ARHGAP23: variants seen among roughly 807,000 people sequenced by gnomAD.
ARHGAP23 encodes rho GTPase-activating protein 23.
ARHGAP23 carries 34 observed loss-of-function variants against 136.3 expected under a neutral mutation model. That is an observed-to-expected ratio of 0.25 (90% CI 0.19 to 0.33). The LOEUF (loss-of-function observed/expected upper bound fraction) is 0.33. Among genes scored for constraint, ARHGAP23 ranks in the 10% least tolerant of loss-of-function variants. The pLI, the probability that ARHGAP23 is intolerant of heterozygous loss-of-function variation, is 1.00. For missense variants in ARHGAP23, 1,808 were observed against 2,139.0 expected (o/e 0.85, Z 3.05); for synonymous variants, 832 against 920.5 (o/e 0.90, Z 1.74).
intron 2 of ARHGAP23, among the ~76,000 whole-genome samples, chr17:38,458,580 C>T (rs978823743): frequency 6.6e-6 from 1 of 152,204 alleles, no homozygotes. Flanking sequence ...GCTCACCTCA[C>T]ACCCCCAGAC....
At chr17:38,433,380 A>G (rs2038725902) in intron 1 of ARHGAP23, among the ~76,000 whole-genome samples, 1 of 152,206 alleles carries the variant, frequency 6.6e-6, no homozygotes. Context: ...ATTAAAAAAA[A>G]TCAATGGATA....
rs551015412 is a variant in ARHGAP23 at position 38,429,770 on chromosome 17, G to A, written c.63+1222G>A. 2.0e-5 allele frequency among the ~76,000 whole-genome samples: 3 copies of A among 152,224 alleles called. No homozygotes were observed. In the East Asian group the frequency reaches 5.8e-4, roughly 29 times the overall value. ...GTCCCTTGGATTCAATCCCCCACCA[G>A]CAACACATACTTCATCTCTATCCCC... is the stretch of plus-strand genomic sequence containing the variant. On this transcript the variant is annotated intron_variant, in intron 1 of 23. Coordinates refer to ENST00000622683, the MANE Select transcript of ARHGAP23 (RefSeq NM_001199417.2).
At chr17:38,506,009 A>C (rs1485306596) in intron 23 of ARHGAP23, among the ~76,000 whole-genome samples, 2 of 152,156 alleles carry the variant, frequency 1.3e-5, no homozygotes, top group African/African-American at 4.8e-5. Flanking sequence ...AAGTTCAAGG[A>C]GTTTATGGAC....
At chr17:38,456,916 CTT>C (rs375995739) in intron 1 of ARHGAP23, among the ~76,000 whole-genome samples, 3 of 146,670 alleles carry the variant, frequency 2.0e-5, no homozygotes, top group Non-Finnish European at 1.5e-5. Context: ...AACCTCCAGC[CTT>C]TTTTTTTTTT....
Position 38,511,222 on chromosome 17 carries a change from G to A in ARHGAP23, c.*250G>A, listed in dbSNP as rs1241057391. On this transcript the variant is annotated 3_prime_UTR_variant, in exon 24 of 24. Coordinates refer to ENST00000622683, the MANE Select transcript of ARHGAP23 (RefSeq NM_001199417.2). ...AAGAGGAGGGGGCGTGGGCTGCTGG[G>A]GTCTGTGTCCCTGCACACATGCGCC... 2 of 464,248 alleles carry A rather than the reference G, an allele frequency of 4.3e-6. No individual in the cohort carries two copies. Among genetic ancestry groups the A allele is most frequent in the Non-Finnish European group, 7.4e-6 (2 of 269,528 alleles). 28.8% of individuals were successfully genotyped at this position (464,248 alleles called of 1,614,324 possible).
In ARHGAP23 at chr17:38,510,153, C is replaced by T. The variant is rs950146365; in HGVS notation, c.3657C>T (p.Gly1219=). 4.7e-6 allele frequency: 6 copies of T among 1,282,960 alleles called. No individual in the cohort carries two copies. The African/African-American group carries it at 9.3e-5, about 20-fold the overall frequency. The allele number at this position is 1,282,960 out of a possible 1,614,324, so 79.5% of individuals were successfully genotyped here. The change falls in exon 24 of 24, where the codon GGC becomes GGT. Residue 1219 remains glycine, a synonymous_variant. Coordinates refer to ENST00000622683, the MANE Select transcript of ARHGAP23 (RefSeq NM_001199417.2). The surrounding 1 kb of genome is among the most constrained non-coding windows in gnomAD (Gnocchi z 4.6). Reference sequence around the variant, plus strand: ...AGCGGCCGCAGGGGCCGCTGCCTGGCGCCGTCGCCCCCGAGGCCCCCGGAC... The same window carrying T: ...AGCGGCCGCAGGGGCCGCTGCCTGGTGCCGTCGCCCCCGAGGCCCCCGGAC... ...TQERPQGPLP[G]AVAPEAPGRL... is the part of the protein sequence containing the mutation.
rs2039603857 is a variant in ARHGAP23, at chr17:38,466,605, A to G, written c.922A>G (p.Met308Val). Residue 308 changes from methionine to valine, a missense_variant, in exon 7 of 24, where the codon ATG (methionine) becomes GTG (valine). Physicochemically the swap from Met to Val is conservative, Grantham distance 21. This residue lies in a region of ARHGAP23 where 859 missense variants were observed against 936.4 expected (regional missense o/e 0.92). Transcript: ENST00000622683. ...RRAGERRCPA[M>V]APRARSASQD... ...GGCGGGGGAGAGACGGTGCCCAGCC[A>G]TGGCCCCCCGGGCCCGCAGCGCCTC... 6.6e-7 allele frequency: 1 copy of G among 1,512,936 alleles called. No homozygotes were observed. Among genetic ancestry groups the G allele is most frequent in the Non-Finnish European group, 8.8e-7 (1 of 1,135,816 alleles). 93.7% of individuals were successfully genotyped at this position (1,512,936 alleles called of 1,614,324 possible).
chr17:38,506,979 G>C (rs1323857189), intron 23 of ARHGAP23, among the ~76,000 whole-genome samples: 1 of 151,982 alleles, frequency 6.6e-6, no homozygotes, highest in African/African-American at 2.4e-5. Context: ...CTGGACAAAA[G>C]AAAAAAAGGC....
rs971991014 is a variant in ARHGAP23 at position 38,458,224 on chromosome 17, C to T, written c.186C>T (p.Ile62=). The T allele has an allele frequency of 1.8e-5, 27 of 1,535,154 alleles. No homozygotes were observed. The highest frequency in any genetic ancestry group is 1.4e-4 in the Admixed American group (7 of 50,902). Residue 62 remains isoleucine, a synonymous_variant, in exon 2 of 24, where the codon ATC becomes ATT. Coordinates refer to ENST00000622683, the MANE Select transcript of ARHGAP23 (RefSeq NM_001199417.2). ...DGFGFTLRHF[I]VYPPESAVHC... Reference sequence around the variant, plus strand: ...TTGGCTTCACTCTGCGCCACTTCATCGTGTACCCACCCGAGTCGGCCGTGC... The same window carrying T: ...TTGGCTTCACTCTGCGCCACTTCATTGTGTACCCACCCGAGTCGGCCGTGC...
At chr17:38,454,513 G>A (rs999431172) in intron 1 of ARHGAP23, among the ~76,000 whole-genome samples, 2 of 152,180 alleles carry the variant, frequency 1.3e-5, no homozygotes, top group Non-Finnish European at 1.5e-5. Context: ...GGCAGGCAGA[G>A]GCACCACTGA....
In ARHGAP23 at chr17:38,477,744, C is replaced by T. The variant is rs2039931645; in HGVS notation, c.2284C>T (p.Leu762Phe). The T allele has an allele frequency of 6.5e-7, 1 of 1,548,760 alleles. No individual in the cohort carries two copies. The highest frequency in any genetic ancestry group is 8.7e-7 in the Non-Finnish European group (1 of 1,145,962). ...GGCGCCCGTCTGCATCGGCTCCTGCCTCGTGGACATCTCCTACAGCGAGAC... is the reference window on the plus strand; with the variant it reads ...GGCGCCCGTCTGCATCGGCTCCTGCTTCGTGGACATCTCCTACAGCGAGAC... ...EAAPVCIGSC[L>F]VDISYSETKR... The change falls in exon 12 of 24, where the codon CTC becomes TTC. Residue 762 changes from leucine (L) to phenylalanine (F), a missense_variant. Leu to Phe is a conservative substitution (Grantham distance 22). Around this residue, in one of 7 missense-constraint regions of ARHGAP23, gnomAD observed 139 missense variants for 264.3 expected, o/e 0.53. Coordinates refer to ENST00000622683, the MANE Select transcript of ARHGAP23 (RefSeq NM_001199417.2). The surrounding 1 kb of genome is among the most constrained non-coding windows in gnomAD (Gnocchi z 6.6).
intron 16 of ARHGAP23, among the ~76,000 whole-genome samples, chr17:38,485,839 G>T (rs138918362): frequency 1.3e-5 from 2 of 152,246 alleles, no homozygotes; most frequent in African/African-American, 4.8e-5. Flanking sequence ...TGGAGCCCAC[G>T]CACTGGCAGG....
chr17:38,502,603 A>C (rs1249628287), intron 23 of ARHGAP23, among the ~76,000 whole-genome samples: 1 of 152,250 alleles, frequency 6.6e-6, no homozygotes, highest in African/African-American at 2.4e-5. Context: ...TTGGAGGCAC[A>C]GTGGAGGCAG....
intron 1 of ARHGAP23, among the ~76,000 whole-genome samples, chr17:38,449,449 A>C (rs886680579): frequency 6.6e-6 from 1 of 152,196 alleles, no homozygotes; most frequent in African/African-American, 2.4e-5. Flanking sequence ...CGGCTCATCA[A>C]CTTGGCCTGC....
Position 38,469,308 on chromosome 17 carries a change from TC to T in ARHGAP23, c.1804+13del, listed in dbSNP as rs2144661575. 6.5e-7 allele frequency: 1 copy of T among 1,546,908 alleles called. No homozygotes were observed. Among genetic ancestry groups the T allele is most frequent in the African/African-American group, 1.4e-5 (1 of 73,068 alleles). On this transcript the variant is annotated intron_variant, in intron 8 of 23. Coordinates refer to ENST00000622683, the MANE Select transcript of ARHGAP23 (RefSeq NM_001199417.2). ...TTACTCGCAGGACTGCAGTGAGCAC[TC>T]CCCACACCCCCAGCCCCACCCTCTC...
At chr17:38,428,037 T>C (rs2038595431), upstream of ARHGAP23, among the ~76,000 whole-genome samples, 1 of 152,030 alleles carries the variant, frequency 6.6e-6, no homozygotes, top group Admixed American at 6.5e-5. Context: ...TTTCTGGGTC[T>C]CTGGATCTCT....
At chr17:38,509,160 G>A (rs1464578139) in intron 23 of ARHGAP23, among the ~76,000 whole-genome samples, 1 of 152,146 alleles carries the variant, frequency 6.6e-6, no homozygotes, top group African/African-American at 2.4e-5. Flanking sequence ...TCCTGGGAAA[G>A]TGTGAAAGGC....
intron 1 of ARHGAP23, among the ~76,000 whole-genome samples, chr17:38,448,479 C>T (rs544007561): frequency 2.6e-5 from 4 of 152,174 alleles, no homozygotes; most frequent in Non-Finnish European, 5.9e-5. Flanking sequence ...CATGTCATTA[C>T]CATTTTATTG....
intron 15 of ARHGAP23, among the ~76,000 whole-genome samples, 188 bp from the exon 16 acceptor site, chr17:38,482,334 GC>G (rs1410887993): frequency 1.3e-5 from 2 of 152,282 alleles, no homozygotes; most frequent in African/African-American, 4.8e-5. Flanking sequence ...CTGAGGCTGA[GC>G]CCGGCTCCTT....
Sources: gnomAD v4.1 joint callset for allele counts (sites outside exome capture counted in the v4.1 genomes callset) on GRCh38, gnomAD v4.1.1 for gene constraint, gnomAD v4.1.1 regional missense constraint, Gnocchi (gnomAD v3.1) non-coding constraint, MANE v1.5 for transcripts, NCBI Gene and HGNC (gene_info 2026-07-23, HGNC 2026-07-21) for gene names.